The following SLC23A2 variants were observed in gnomAD, a reference collection of about 807,000 sequenced individuals.
The protein encoded by SLC23A2 is Na(+)/L-ascorbic acid transporter 2.
Under a neutral mutation model 73.3 loss-of-function variants are expected in SLC23A2, and 36 were observed. The ratio of observed to expected loss-of-function variants is 0.49; its 90% CI spans 0.38 to 0.65. The LOEUF (loss-of-function observed/expected upper bound fraction) is 0.65, where lower values mean the gene tolerates loss of function less well. SLC23A2 is among the 30% of genes least tolerant of loss of function. The pLI is 0.00. For synonymous variants in SLC23A2, 343 were observed against 327.3 expected, an observed-to-expected ratio of 1.05 and a Z score of -0.52; for missense variants, 507 against 841.6, an observed-to-expected ratio of 0.60 and a Z score of 4.92.
upstream of SLC23A2, among the ~76,000 whole-genome samples, chr20:5,005,262 G>A (rs953806227): frequency 9.9e-5 from 15 of 151,398 alleles, no homozygotes; most frequent in African/African-American, 3.4e-4. Flanking sequence ...GTAGGTGTTC[G>A]ATATCATTAT....
rs1568661340 is a variant in SLC23A2, at chr20:4,994,611, CGT to C, written c.-282+6793_-282+6794del. On this transcript the variant is annotated intron_variant, in intron 1 of 16. Coordinates refer to ENST00000338244, the MANE Select transcript of SLC23A2 (RefSeq NM_005116.6). Reference sequence around the variant, plus strand: ...CAGCCTGAACAATACGGTGAAACCCCGTCTCTACTAAAAATATGAAAATTAGC... The same window carrying C: ...CAGCCTGAACAATACGGTGAAACCCCCTCTACTAAAAATATGAAAATTAGC... 1.3e-3 allele frequency among the ~76,000 whole-genome samples: 192 copies of C among 152,052 alleles called. 2 individuals carry two copies. Among genetic ancestry groups the C allele is most frequent in the African/African-American group, 4.2e-3 (176 of 41,464 alleles).
In SLC23A2 at chr20:4,856,870, A is replaced by G; in HGVS notation, c.*102T>C. On this transcript the variant is annotated 3_prime_UTR_variant, in exon 17 of 17. Transcript: ENST00000338244. This position sits in a 1 kb window ranked among gnomAD's most constrained non-coding sequence, Gnocchi z 4.6. ...GTCTGTCTTAGCTCTGGGGCGCAGA[A>G]TGTAAATGTAGATATACAAACATGT... 2.6e-6 allele frequency: 2 copies of G among 759,650 alleles called. No homozygotes were observed. The highest frequency in any genetic ancestry group is 4.5e-6 in the Non-Finnish European group (2 of 448,686). 47.1% of individuals were successfully genotyped at this position (759,650 alleles called of 1,614,324 possible).
At chr20:4,895,858 C>G (rs1931498793) in intron 6 of SLC23A2, among the ~76,000 whole-genome samples, 1 of 152,186 alleles carries the variant, frequency 6.6e-6, no homozygotes, top group Non-Finnish European at 1.5e-5. Flanking sequence ...GGGGCCTCAC[C>G]CTACTGAGGT....
rs1250291720 is a variant in SLC23A2, at chr20:4,857,277, AACACAT to A, written c.1721-79_1721-74del. 21 of 590,018 alleles carry A rather than the reference AACACAT, an allele frequency of 3.6e-5. No homozygotes were observed. In the Middle Eastern group the frequency reaches 9.0e-4, roughly 25 times the overall value. The allele number at this position is 590,018 out of a possible 1,614,324, so 36.5% of individuals were successfully genotyped here. A position where few individuals can be genotyped will look rare whatever the true frequency, so the allele number is the denominator to read the frequency against. On this transcript the variant is annotated intron_variant, in intron 16 of 16. Transcript: ENST00000338244. The surrounding 1 kb of genome is among the most constrained non-coding windows in gnomAD (Gnocchi z 4.0). ...TCTACTGAAAATGAAACTGTCGTCAAACACATACACACACACACACACACACACACA... is the reference window on the plus strand; with the variant it reads ...TCTACTGAAAATGAAACTGTCGTCAAACACACACACACACACACACACACA...
intron 1 of SLC23A2, among the ~76,000 whole-genome samples, chr20:4,979,980 C>CAA (rs148245134): frequency 4.6e-5 from 7 of 150,866 alleles, no homozygotes; most frequent in Non-Finnish European, 8.9e-5. Context: ...GAAAAACTGG[C>CAA]AAAAAAAACC....
At chr20:4,891,213 C>G (rs754832409) in intron 6 of SLC23A2, among the ~76,000 whole-genome samples, 7 of 152,028 alleles carry the variant, frequency 4.6e-5, no homozygotes, top group African/African-American at 7.2e-5. Flanking sequence ...ATTCAGAGCC[C>G]AGGGAAATGT....
intron 1 of SLC23A2, among the ~76,000 whole-genome samples, chr20:4,971,645 G>A (rs907402920): frequency 8.0e-5 from 12 of 150,176 alleles, no homozygotes; most frequent in Non-Finnish European, 1.6e-4. Flanking sequence ...AAATTATCTC[G>A]TCGTGGTGGC....
chr20:5,005,264 T>G (rs980342360), upstream of SLC23A2, among the ~76,000 whole-genome samples: 12 of 152,102 alleles, frequency 7.9e-5, no homozygotes, highest in African/African-American at 2.9e-4. Flanking sequence ...AGGTGTTCGA[T>G]ATCATTATTT....
At chr20:4,999,530 T>G (rs942639520) in intron 1 of SLC23A2, among the ~76,000 whole-genome samples, 50 of 151,754 alleles carry the variant, frequency 3.3e-4, no homozygotes, top group Non-Finnish European at 5.9e-4. Context: ...TACTGGTTTT[T>G]TTTAAGCTGG....
At chr20:4,946,506 A>G (rs2087121419) in intron 2 of SLC23A2, among the ~76,000 whole-genome samples, 1 of 152,212 alleles carries the variant, frequency 6.6e-6, no homozygotes, top group Non-Finnish European at 1.5e-5. Flanking sequence ...GACAGCAAAT[A>G]GTTTATGGCA....
chr20:4,896,179 A>C (rs8125737), intron 6 of SLC23A2, among the ~76,000 whole-genome samples: 9,554 of 152,210 alleles, frequency 0.063, 986 homozygotes, highest in African/African-American at 0.22. Flanking sequence ...CTGGCCAGTC[A>C]AGGGGGGAAC....
chr20:4,983,575 A>AAG (rs1320100313), intron 1 of SLC23A2, among the ~76,000 whole-genome samples: 1 of 149,390 alleles, frequency 6.7e-6, no homozygotes, highest in Non-Finnish European at 1.5e-5. Flanking sequence ...GAACCCGGGC[A>AAG]GCGGAGTTTG....
intron 4 of SLC23A2, among the ~76,000 whole-genome samples, chr20:4,903,778 T>C (rs1049811545): frequency 1.3e-5 from 2 of 152,236 alleles, no homozygotes; most frequent in African/African-American, 4.8e-5. Flanking sequence ...ATTTACATTG[T>C]GTTGAATTTG....
chr20:4,976,102 C>T (rs377302001), intron 1 of SLC23A2, among the ~76,000 whole-genome samples: 1 of 151,766 alleles, frequency 6.6e-6, no homozygotes, highest in South Asian at 2.1e-4. Flanking sequence ...ATCCACCTGC[C>T]TCGCCCTCCC....
intron 6 of SLC23A2, among the ~76,000 whole-genome samples, chr20:4,897,410 G>A (rs1207529411): frequency 1.3e-5 from 2 of 152,220 alleles, no homozygotes; most frequent in Non-Finnish European, 2.9e-5. Flanking sequence ...CACAGCCAAA[G>A]GTCATGGGGG....
chr20:4,898,282 A>C (rs1037480809), intron 6 of SLC23A2, among the ~76,000 whole-genome samples: 1 of 152,202 alleles, frequency 6.6e-6, no homozygotes, highest in Non-Finnish European at 1.5e-5. Context: ...TTTAGTCCAC[A>C]TAGCTTCTTT....
intron 1 of SLC23A2, among the ~76,000 whole-genome samples, chr20:4,986,135 T>A (rs1417227637): frequency 2.6e-5 from 4 of 152,110 alleles, no homozygotes; most frequent in Non-Finnish European, 5.9e-5. Flanking sequence ...AAAATTTTTA[T>A]CATGAAATCC....
chr20:4,931,920 C>A (rs1932795199), intron 3 of SLC23A2, among the ~76,000 whole-genome samples: 1 of 152,192 alleles, frequency 6.6e-6, no homozygotes, highest in African/African-American at 2.4e-5. Flanking sequence ...TAACTTTATA[C>A]AAATCAAGTC....
At chr20:4,974,335 C>T (rs1744451591) in intron 1 of SLC23A2, among the ~76,000 whole-genome samples, 1 of 151,962 alleles carries the variant, frequency 6.6e-6, no homozygotes, top group Non-Finnish European at 1.5e-5. Context: ...GGCATGGTGG[C>T]GCATGCCTGT....
Sources: gnomAD v4.1 joint callset for allele counts (sites outside exome capture counted in the v4.1 genomes callset) on GRCh38, gnomAD v4.1.1 for gene constraint, Gnocchi (gnomAD v3.1) non-coding constraint, MANE v1.5 for transcripts, NCBI Gene and HGNC (gene_info 2026-07-23, HGNC 2026-07-21) for gene names.